Variants in UST observed in about 807,000 individuals in gnomAD.
UST encodes chondroitin sulfate 2-O-sulfotransferase.
UST carries 21 observed loss-of-function variants against 45.6 expected under a neutral mutation model. That is an observed-to-expected ratio of 0.46 (90% confidence interval 0.33 to 0.66). The LOEUF (loss-of-function observed/expected upper bound fraction) is 0.66. Ranked by LOEUF, UST falls within the 30% of genes least tolerant of loss-of-function variation. The pLI is 0.02. For missense variants in UST, 463 were observed against 512.4 expected (o/e 0.90, Z 0.93); for synonymous variants, 215 against 200.6 (o/e 1.07, Z -0.61).
chr6:148,784,643 A>G (rs866422878), intron 1 of UST, among the ~76,000 whole-genome samples: 3 of 152,372 alleles, frequency 2.0e-5, no homozygotes, highest in Middle Eastern at 6.8e-3. Flanking sequence ...TATCTTGTGT[A>G]TGTGTCCACA....
intron 1 of UST, among the ~76,000 whole-genome samples, chr6:148,874,431 A>G (rs1443446596): frequency 6.6e-6 from 1 of 152,202 alleles, no homozygotes; most frequent in Non-Finnish European, 1.5e-5. Context: ...TTTTAAGTTT[A>G]ATTAGAAATG....
At chr6:148,751,169 G>A (rs1317706668) in intron 1 of UST, among the ~76,000 whole-genome samples, 1 of 152,194 alleles carries the variant, frequency 6.6e-6, no homozygotes, top group Non-Finnish European at 1.5e-5. Context: ...GGAATGTGAG[G>A]CGGGGTGGGT....
intron 7 of UST, among the ~76,000 whole-genome samples, chr6:149,029,877 TG>T (rs1415112531): frequency 6.7e-6 from 1 of 148,598 alleles, no homozygotes; most frequent in East Asian, 1.9e-4. Context: ...TGTGTGTGTG[TG>T]TGTGTGTGTG....
intron 7 of UST, among the ~76,000 whole-genome samples, chr6:149,050,974 G>A (rs1251385635): frequency 6.6e-6 from 1 of 152,206 alleles, no homozygotes; most frequent in African/African-American, 2.4e-5. Flanking sequence ...CAGGGAGACT[G>A]CTGGGCAGGT....
intron 1 of UST, among the ~76,000 whole-genome samples, chr6:148,855,991 T>C (rs943184621): frequency 2.6e-5 from 4 of 151,562 alleles, no homozygotes; most frequent in African/African-American, 9.7e-5. Flanking sequence ...TCAAATTGCT[T>C]ACAGCTGAAA....
chr6:148,865,361 A>G (rs1778405443), intron 1 of UST, among the ~76,000 whole-genome samples: 1 of 152,134 alleles, frequency 6.6e-6, no homozygotes, highest in Admixed American at 6.5e-5. Context: ...ACCGTGTTTA[A>G]AGCTTTTGAA....
At chr6:148,846,734 A>G (rs1777999521) in intron 1 of UST, among the ~76,000 whole-genome samples, 1 of 152,258 alleles carries the variant, frequency 6.6e-6, no homozygotes, top group East Asian at 1.9e-4. Context: ...GTGGTGCAAT[A>G]AATATGATGC....
At chr6:148,767,749 A>G (rs971717391) in intron 1 of UST, among the ~76,000 whole-genome samples, 3 of 152,240 alleles carry the variant, frequency 2.0e-5, no homozygotes, top group Non-Finnish European at 4.4e-5. Context: ...AGCACAAAGA[A>G]AATAAAACAC....
At chr6:148,782,695 C>T (rs1018682479) in intron 1 of UST, among the ~76,000 whole-genome samples, 1 of 152,138 alleles carries the variant, frequency 6.6e-6, no homozygotes, top group African/African-American at 2.4e-5. Flanking sequence ...TCGGGTGATC[C>T]ACCTGCCTCG....
At chr6:148,870,909 T>C (rs1034296039) in intron 1 of UST, among the ~76,000 whole-genome samples, 13 of 152,206 alleles carry the variant, frequency 8.5e-5, no homozygotes, top group Non-Finnish European at 1.0e-4. Context: ...GTTTAATGTC[T>C]GTCACCTCTT....
At chr6:149,040,389 G>A (rs962521429) in intron 7 of UST, among the ~76,000 whole-genome samples, 1 of 152,068 alleles carries the variant, frequency 6.6e-6, no homozygotes, top group African/African-American at 2.4e-5. Context: ...CGGGCGCAGT[G>A]ACTCACCCCT....
chr6:148,897,267 A>G (rs1481702565), intron 2 of UST, among the ~76,000 whole-genome samples: 2 of 152,134 alleles, frequency 1.3e-5, no homozygotes, highest in Non-Finnish European at 1.5e-5. Flanking sequence ...TCCTGGGTTC[A>G]GGTGATTCTT....
At chr6:148,891,930 G>A (rs922681916) in intron 2 of UST, among the ~76,000 whole-genome samples, 2 of 152,164 alleles carry the variant, frequency 1.3e-5, no homozygotes, top group Non-Finnish European at 2.9e-5. Flanking sequence ...TTTTCAAACT[G>A]TATATAAAGT....
At chr6:148,986,758 G>C (rs1781245531) in intron 5 of UST, among the ~76,000 whole-genome samples, 1 of 152,172 alleles carries the variant, frequency 6.6e-6, no homozygotes, top group Non-Finnish European at 1.5e-5. Context: ...AATCCCTGTG[G>C]AGAGCTTGCC....
intron 1 of UST, among the ~76,000 whole-genome samples, chr6:148,779,345 C>G (rs544839212): frequency 3.3e-4 from 50 of 152,322 alleles, no homozygotes; most frequent in African/African-American, 1.2e-3. Flanking sequence ...TTGAGAATTT[C>G]AGAGTGTTTT....
intron 6 of UST, among the ~76,000 whole-genome samples, chr6:149,020,187 G>C (rs1775958357): frequency 6.6e-6 from 1 of 152,136 alleles, no homozygotes; most frequent in African/African-American, 2.4e-5. Flanking sequence ...GCGTATTGTT[G>C]TTATTCCTGT....
intron 1 of UST, among the ~76,000 whole-genome samples, chr6:148,785,263 A>G (rs1236148043): frequency 2.6e-5 from 4 of 151,970 alleles, no homozygotes; most frequent in Non-Finnish European, 4.4e-5. Flanking sequence ...ATTATCTTTT[A>G]TAGTCTGTGT....
intron 5 of UST, chr6:149,005,543 T>C: frequency 3.0e-6 from 3 of 985,426 alleles, no homozygotes; most frequent in Non-Finnish European, 3.6e-6. Context: ...GTACTTTTCA[T>C]TCCTTCCACA....
In UST at chr6:149,073,976, A is replaced by G. The variant is rs1257314255; in HGVS notation, c.1081A>G (p.Lys361Glu). Residue 361 changes from lysine (K) to glutamate (E), a missense_variant, in exon 8 of 8, where the codon AAG (lysine) becomes GAG (glutamate). This residue lies in a region of UST where 287 missense variants were observed against 374.2 expected (regional missense o/e 0.77). Coordinates refer to ENST00000367463, the MANE Select transcript of UST (RefSeq NM_005715.3). ...VKEQFHLLKRKFGLKSHVSKP... is the reference protein window; with the variant it reads ...VKEQFHLLKREFGLKSHVSKP... ...AGAGCAGTTCCACCTGCTGAAGCGCAAGTTTGGACTTAAGTCTCACGTCAG... is the reference window on the plus strand; with the variant it reads ...AGAGCAGTTCCACCTGCTGAAGCGCGAGTTTGGACTTAAGTCTCACGTCAG... The G allele has an allele frequency of 6.2e-7, 1 of 1,614,020 alleles. No homozygotes were observed. The highest frequency in any genetic ancestry group is 8.5e-7 in the Non-Finnish European group (1 of 1,180,024).
Sources: allele counts gnomAD v4.1 joint callset (sites outside exome capture counted in the v4.1 genomes callset), GRCh38; gene constraint gnomAD v4.1.1; regional missense constraint gnomAD v4.1.1; transcripts MANE v1.5; gene names NCBI Gene and HGNC (gene_info 2026-07-23, HGNC 2026-07-21).